The following ATG4A variants were observed in gnomAD, a reference collection of about 807,000 sequenced individuals.
ATG4A encodes autophagy related 4A cysteine peptidase, also known as cysteine protease ATG4A.
Under a neutral mutation model 38.4 loss-of-function variants are expected in ATG4A, and 22 were observed. The ratio of observed to expected loss-of-function variants is 0.57; its 90% CI spans 0.41 to 0.82. The LOEUF (loss-of-function observed/expected upper bound fraction) is 0.82. Ranked by LOEUF, ATG4A falls within the 40% of genes least tolerant of loss-of-function variation. ATG4A has a pLI of 0.00. For synonymous variants in ATG4A, 86 were observed against 100.7 expected (o/e 0.85, Z 0.88); for missense variants, 220 against 290.0 (o/e 0.76, Z 1.75).
intron 1 of ATG4A, among the ~76,000 whole-genome samples, chrX:108,119,428 C>T (rs1269068725): frequency 2.7e-5 from 3 of 111,534 alleles, no homozygotes; most frequent in Non-Finnish European, 3.8e-5. Flanking sequence ...ATGAGAAATA[C>T]ATTTTACATT....
intron 4 of ATG4A, among the ~76,000 whole-genome samples, chrX:108,133,482 C>T (rs887370897): frequency 8.9e-6 from 1 of 112,580 alleles, no homozygotes; most frequent in African/African-American, 3.2e-5. Flanking sequence ...TTTCCCAAAG[C>T]TCAGCATGGA....
intron 1 of ATG4A, among the ~76,000 whole-genome samples, chrX:108,117,564 G>A (rs2032543063): frequency 9.0e-6 from 1 of 111,583 alleles, no homozygotes; most frequent in Non-Finnish European, 1.9e-5. Flanking sequence ...ATATTATGAA[G>A]GAGTAATGAG....
chrX:108,128,768 C>T lies in ATG4A; in HGVS notation c.122-13C>T. ...ATATGGTGATTTAATTTTAATTTTA[C>T]ATTTAATTACAGAAAAATCTAAGCT... On this transcript the variant is annotated splice_polypyrimidine_tract_variant and intron_variant, in intron 2 of 12. Coordinates refer to ENST00000372232, the MANE Select transcript of ATG4A (RefSeq NM_052936.5). 1.8e-6 allele frequency: 2 copies of T among 1,122,334 alleles called. No homozygotes were observed. The highest frequency in any genetic ancestry group is 3.1e-5 in the East Asian group (1 of 31,772). 92.5% of individuals were successfully genotyped at this position (1,122,334 alleles called of 1,213,427 possible).
At chrX:108,144,872 A>G (rs934543124) in intron 9 of ATG4A, among the ~76,000 whole-genome samples, 3 of 112,160 alleles carry the variant, frequency 2.7e-5, no homozygotes, top group Non-Finnish European at 5.6e-5. Context: ...TTCTCCTTCC[A>G]TGCAAAGTGC....
At chrX:108,093,476 G>A (rs2031702500) in intron 1 of ATG4A, among the ~76,000 whole-genome samples, 1 of 111,609 alleles carries the variant, frequency 9.0e-6, no homozygotes, top group African/African-American at 3.3e-5. Flanking sequence ...TATTAGATAG[G>A]CACATCAGTT....
chrX:108,120,103 C>G (rs55980910), intron 1 of ATG4A, among the ~76,000 whole-genome samples: 38,981 of 111,253 alleles, frequency 0.35, 5,318 homozygotes, highest in Non-Finnish European at 0.42. Context: ...CAAGGTGATT[C>G]TCACCTCAGT....
chrX:108,150,111 C>T (rs927157880), intron 9 of ATG4A, 41 bp from the exon 10 acceptor site: 11 of 1,198,406 alleles, frequency 9.2e-6, no homozygotes, highest in African/African-American at 5.3e-5. Context: ...GGGCCAGGAC[C>T]GGTAATCCTT....
At chrX:108,108,573 T>C (rs2032256380) in intron 1 of ATG4A, among the ~76,000 whole-genome samples, 1 of 111,132 alleles carries the variant, frequency 9.0e-6, no homozygotes, top group South Asian at 3.8e-4. Flanking sequence ...CCTTCACTGG[T>C]ATACTTCTTT....
intron 1 of ATG4A, among the ~76,000 whole-genome samples, chrX:108,104,826 A>AT (rs898043442): frequency 5.5e-5 from 6 of 109,467 alleles, no homozygotes; most frequent in African/African-American, 2.0e-4. Context: ...TTCTTCACTG[A>AT]TTTTTTGTTC....
chrX:108,107,620 A>G (rs1006824847), intron 1 of ATG4A, among the ~76,000 whole-genome samples: 1 of 111,154 alleles, frequency 9.0e-6, no homozygotes, highest in Non-Finnish European at 1.9e-5. Flanking sequence ...GAGACTCTGG[A>G]TTTTATTTTA....
chrX:108,148,042 T>A (rs1332251695), intron 9 of ATG4A, among the ~76,000 whole-genome samples: 1 of 3,679 alleles, frequency 2.7e-4, no homozygotes, highest in African/African-American at 7.6e-4. Flanking sequence ...TATATATATA[T>A]ATATATATAT....
At chrX:108,106,902 C>T (rs1170955407) in intron 1 of ATG4A, among the ~76,000 whole-genome samples, 1 of 111,499 alleles carries the variant, frequency 9.0e-6, no homozygotes, top group Non-Finnish European at 1.9e-5. Flanking sequence ...GTTTGCTCAG[C>T]TTCTTGAATC....
chrX:108,112,321 A>G (rs1027350289), intron 1 of ATG4A, among the ~76,000 whole-genome samples: 6 of 111,571 alleles, frequency 5.4e-5, no homozygotes, highest in Non-Finnish European at 9.4e-5. Context: ...GATTTGATCA[A>G]TTTAAGCACT....
chrX:108,137,663 T>G, intron 7 of ATG4A, 141 bp from the exon 8 acceptor site: 1 of 528,774 alleles, frequency 1.9e-6, no homozygotes, highest in Non-Finnish European at 2.9e-6. Flanking sequence ...AGGCGGGGAG[T>G]CAGCTGAGCC....
intron 1 of ATG4A, among the ~76,000 whole-genome samples, chrX:108,102,949 C>T (rs942490588): frequency 1.8e-5 from 2 of 109,881 alleles, no homozygotes; most frequent in Non-Finnish European, 3.8e-5. Context: ...GGTATTAAGC[C>T]CAGCATCCAT....
In ATG4A at chrX:108,152,974, C is replaced by G; in HGVS notation, c.1018-5C>G. 1 of 1,184,842 alleles carries G rather than the reference C, an allele frequency of 8.4e-7. No individual in the cohort carries two copies. The highest frequency in any genetic ancestry group is 1.1e-6 in the Non-Finnish European group (1 of 871,635). On this transcript the variant is annotated splice_region_variant and splice_polypyrimidine_tract_variant and intron_variant, in intron 11 of 12. Transcript: ENST00000372232. The stretch of plus-strand genomic sequence containing the variant: ...GTATTTAAAACTGTTTTGTCATCTC[C>G]CCAGGAAATTCTAAAGGAGAATTTA...
intron 11 of ATG4A, 25 bp downstream of exon 11, chrX:108,151,883 C>T (rs1569315637): frequency 1.7e-6 from 2 of 1,160,234 alleles, no homozygotes; most frequent in Non-Finnish European, 2.3e-6. Flanking sequence ...TTTTCTTAGT[C>T]TGAAAAATGA....
At chrX:108,148,587 GTTA>G (rs1287536816) in intron 9 of ATG4A, among the ~76,000 whole-genome samples, 3 of 110,059 alleles carry the variant, frequency 2.7e-5, no homozygotes, top group Non-Finnish European at 5.7e-5. Flanking sequence ...CAGAGAAGAT[GTTA>G]TTATTCTCAA....
chrX:108,091,948 G>C, intron 1 of ATG4A, 112 bp downstream of exon 1: 4 of 1,135,979 alleles, frequency 3.5e-6, no homozygotes, highest in Non-Finnish European at 4.7e-6. Context: ...CAAGAGTTAT[G>C]AGAGCCTAAA....
Sources: gnomAD v4.1 joint callset for allele counts (sites outside exome capture counted in the v4.1 genomes callset) on GRCh38, gnomAD v4.1.1 for gene constraint, MANE v1.5 for transcripts, NCBI Gene and HGNC (gene_info 2026-07-23, HGNC 2026-07-21) for gene names.